UTP18: variants seen among roughly 807,000 people sequenced by gnomAD.
UTP18 encodes the protein U3 small nucleolar RNA-associated protein 18 homolog.
A neutral mutation model predicts 61.1 loss-of-function variants in UTP18; 36 were observed. That is an observed-to-expected ratio of 0.59 (90% CI 0.45 to 0.78). The LOEUF is 0.78. UTP18 is among the 30% of genes least tolerant of loss of function. The probability of loss-of-function intolerance (pLI) is 0.00; values close to 1 mark genes in which losing one functional copy is unlikely to be tolerated. For missense variants in UTP18, 753 were observed against 693.9 expected (o/e 1.09, Z -0.96); for synonymous variants, 282 against 251.1 (o/e 1.12, Z -1.16).
intron 11 of UTP18, among the ~76,000 whole-genome samples, chr17:51,292,452 CAGTA>C (rs1263873830): frequency 6.6e-6 from 1 of 152,192 alleles, no homozygotes; most frequent in Non-Finnish European, 1.5e-5. Flanking sequence ...ACAAAATGGT[CAGTA>C]AGTATGTATC....
At chr17:51,293,014 CTT>C (rs548493068) in intron 11 of UTP18, among the ~76,000 whole-genome samples, 75 of 152,296 alleles carry the variant, frequency 4.9e-4, no homozygotes, top group African/African-American at 1.8e-3. Context: ...TGTGGTATGA[CTT>C]TGCCTAGGCT....
In UTP18 at chr17:51,278,623, C is replaced by T. The variant is rs118159664; in HGVS notation, c.1012+1319C>T. On this transcript the variant is annotated intron_variant, in intron 7 of 13. Transcript: ENST00000225298. ...TCCTTTTTCTGTTTTCACATTTCCACCGCCTGATACTGTGCTGTTAGGATT... is the reference window on the plus strand; with the variant it reads ...TCCTTTTTCTGTTTTCACATTTCCATCGCCTGATACTGTGCTGTTAGGATT... 3.9e-5 allele frequency among the ~76,000 whole-genome samples: 6 copies of T among 152,332 alleles called. No individual in the cohort carries two copies. In the East Asian group the frequency reaches 1.2e-3, roughly 29 times the overall value.
chr17:51,278,867 C>T (rs1351831220), intron 7 of UTP18, among the ~76,000 whole-genome samples: 2 of 152,056 alleles, frequency 1.3e-5, no homozygotes, highest in African/African-American at 2.4e-5. Flanking sequence ...AGAAGTAACC[C>T]CAGTGATTGG....
intron 5 of UTP18, 80 bp downstream of exon 5, chr17:51,273,530 G>T: frequency 1.0e-6 from 1 of 960,006 alleles, no homozygotes; most frequent in South Asian, 1.7e-5. Context: ...GCAGATGTAT[G>T]GATTCCTATT....
chr17:51,287,285 C>T (rs1337047271), intron 10 of UTP18, among the ~76,000 whole-genome samples: 1 of 152,106 alleles, frequency 6.6e-6, no homozygotes, highest in East Asian at 1.9e-4. Flanking sequence ...CTTTTAGAAT[C>T]TTCAAGTTAT....
chr17:51,297,203 A>G (rs1393869972), intron 13 of UTP18, among the ~76,000 whole-genome samples, 200 bp downstream of exon 13: 2 of 152,154 alleles, frequency 1.3e-5, no homozygotes, highest in African/African-American at 4.8e-5. Context: ...AATCACAGCA[A>G]TCTGGCTCGG....
chr17:51,281,795 G>A (rs1431432982), intron 9 of UTP18, among the ~76,000 whole-genome samples: 2 of 152,124 alleles, frequency 1.3e-5, no homozygotes, highest in Admixed American at 1.3e-4. Flanking sequence ...GAATCTAAAA[G>A]GCATAATTTT....
intron 12 of UTP18, among the ~76,000 whole-genome samples, 161 bp downstream of exon 12, chr17:51,294,206 A>G (rs887358785): frequency 6.6e-6 from 1 of 151,648 alleles, no homozygotes; most frequent in African/African-American, 2.4e-5. Flanking sequence ...ATTTTATTTT[A>G]TTATTATTAT....
At chr17:51,293,002 T>C (rs1246990352) in intron 11 of UTP18, among the ~76,000 whole-genome samples, 2 of 152,336 alleles carry the variant, frequency 1.3e-5, no homozygotes, top group East Asian at 1.9e-4. Flanking sequence ...TAGTAGAATA[T>C]ATGTGGTATG....
chr17:51,266,367 C>G (rs544128867), intron 3 of UTP18, 87 bp downstream of exon 3: 34 of 931,282 alleles, frequency 3.7e-5, no homozygotes, highest in Non-Finnish European at 6.0e-6. Context: ...GTGTAGTTTT[C>G]CATTTTGAAA....
intron 1 of UTP18, among the ~76,000 whole-genome samples, chr17:51,261,970 C>T (rs2055501543): frequency 6.6e-6 from 1 of 152,104 alleles, no homozygotes; most frequent in African/African-American, 2.4e-5. Context: ...GAGGTGGGAG[C>T]TGTTGGGTTT....
intron 7 of UTP18, among the ~76,000 whole-genome samples, chr17:51,278,045 AT>A (rs1269859149): frequency 6.6e-6 from 1 of 152,098 alleles, no homozygotes; most frequent in Non-Finnish European, 1.5e-5. Flanking sequence ...CTGTACAACC[AT>A]TTTTCTACTA....
chr17:51,280,806 C>T (rs573851585), intron 9 of UTP18, among the ~76,000 whole-genome samples: 1 of 151,454 alleles, frequency 6.6e-6, no homozygotes, highest in African/African-American at 2.4e-5. Flanking sequence ...GAACGAGACT[C>T]CATCTCAATA....
At chr17:51,283,844 G>T (rs1404391545) in intron 9 of UTP18, among the ~76,000 whole-genome samples, 1 of 151,592 alleles carries the variant, frequency 6.6e-6, no homozygotes, top group African/African-American at 2.4e-5. Flanking sequence ...CGAACTCCTG[G>T]CCTCAAGTGA....
intron 4 of UTP18, among the ~76,000 whole-genome samples, chr17:51,273,080 GTT>G (rs758696667): frequency 1.4e-4 from 22 of 151,870 alleles, no homozygotes; most frequent in Non-Finnish European, 2.4e-4. Flanking sequence ...ACTTCATCTT[GTT>G]TTAGTAACCA....
chr17:51,282,867 C>CTTCT (rs753924069), intron 9 of UTP18, among the ~76,000 whole-genome samples: 7 of 120,718 alleles, frequency 5.8e-5, no homozygotes, highest in East Asian at 5.4e-4. Context: ...TCTTCTTCTT[C>CTTCT]TTTTTTTTTT....
chr17:51,289,418 A>C (rs1422061025), intron 11 of UTP18, among the ~76,000 whole-genome samples: 1 of 147,780 alleles, frequency 6.8e-6, no homozygotes, highest in African/African-American at 2.5e-5. Context: ...CATTTTGGTC[A>C]GGCTGGTCTC....
At chr17:51,296,911 A>G (rs1567708490) in intron 12 of UTP18, 54 bp from the exon 13 acceptor site, 1 of 1,553,174 alleles carries the variant, frequency 6.4e-7, no homozygotes, top group East Asian at 2.3e-5. Flanking sequence ...TCTAATTGAA[A>G]ACACTGTGGG....
At chr17:51,284,201 C>G (rs1905037106) in intron 9 of UTP18, among the ~76,000 whole-genome samples, 1 of 152,166 alleles carries the variant, frequency 6.6e-6, no homozygotes. Context: ...CTGAGATTCA[C>G]TGAATTCTCA....
Sources: allele counts gnomAD v4.1 joint callset (sites outside exome capture counted in the v4.1 genomes callset), GRCh38; gene constraint gnomAD v4.1.1; transcripts MANE v1.5; gene names NCBI Gene and HGNC (gene_info 2026-07-23, HGNC 2026-07-21).